Variants in DNAJC1 observed in about 807,000 individuals in gnomAD.
DNAJC1 encodes the protein dnaJ homolog subfamily C member 1.
In DNAJC1, 58 loss-of-function variants were observed where a neutral mutation model predicts 76.6. The observed-to-expected ratio is 0.76, with a 90% CI of 0.61 to 0.94. The LOEUF (loss-of-function observed/expected upper bound fraction) is 0.94. DNAJC1 is among the 40% of genes least tolerant of loss of function. The probability of loss-of-function intolerance (pLI) is 0.00; values close to 1 mark genes in which losing one functional copy is unlikely to be tolerated. For missense variants in DNAJC1, 689 were observed against 677.3 expected, an observed-to-expected ratio of 1.02 and a Z score of -0.19; for synonymous variants, 258 against 267.9, an observed-to-expected ratio of 0.96 and a Z score of 0.36.
intron 8 of DNAJC1, among the ~76,000 whole-genome samples, chr10:21,867,194 ACAGACT>A (rs1422991576): frequency 6.6e-6 from 1 of 152,110 alleles, no homozygotes; most frequent in Non-Finnish European, 1.5e-5. Flanking sequence ...CATACAATAT[ACAGACT>A]CAAAAAGGCA....
In DNAJC1 at chr10:21,919,938, G is replaced by A. The variant is rs762396568; in HGVS notation, c.538-9C>T. On this transcript the variant is annotated splice_polypyrimidine_tract_variant and intron_variant, in intron 4 of 11. Transcript: ENST00000376980. ...CTACTTAGTAGTTCATCCTTAATGT[G>A]GAAAGAATTATGGTTACAGGTTATC... 1 of 1,542,540 alleles carries A rather than the reference G, an allele frequency of 6.5e-7. No homozygotes were observed. The highest frequency in any genetic ancestry group is 1.8e-5 in the Admixed American group (1 of 55,304).
At chr10:21,773,968 C>T (rs912156789) in intron 9 of DNAJC1, among the ~76,000 whole-genome samples, 4 of 150,716 alleles carry the variant, frequency 2.7e-5, no homozygotes, top group Non-Finnish European at 5.9e-5. Context: ...GGTGAAACCC[C>T]GTCTCTACTA....
intron 9 of DNAJC1, among the ~76,000 whole-genome samples, chr10:21,779,563 A>G (rs1834500596): frequency 6.6e-6 from 1 of 152,252 alleles, no homozygotes; most frequent in East Asian, 1.9e-4. Flanking sequence ...ATTAACAAAC[A>G]GAAAGGACAT....
At chr10:21,791,825 G>T (rs1834692231) in intron 9 of DNAJC1, among the ~76,000 whole-genome samples, 1 of 151,952 alleles carries the variant, frequency 6.6e-6, no homozygotes, top group Non-Finnish European at 1.5e-5. Context: ...GACTAGAAAA[G>T]CAAGAAACCA....
chr10:21,832,235 C>G (rs1835369794), intron 8 of DNAJC1, among the ~76,000 whole-genome samples: 1 of 152,016 alleles, frequency 6.6e-6, no homozygotes. Flanking sequence ...TCACAGTAAT[C>G]TTCTCATTCT....
intron 8 of DNAJC1, 60 bp downstream of exon 8, chr10:21,882,222 T>C: frequency 6.8e-7 from 1 of 1,464,522 alleles, no homozygotes; most frequent in Non-Finnish European, 9.2e-7. Flanking sequence ...GCTAACCCTG[T>C]ATTTTATGTG....
intron 9 of DNAJC1, among the ~76,000 whole-genome samples, chr10:21,788,007 T>C (rs748464652): frequency 6.6e-6 from 1 of 152,200 alleles, no homozygotes; most frequent in Non-Finnish European, 1.5e-5. Flanking sequence ...TACCCCACCA[T>C]CAGAGCACCT....
intron 8 of DNAJC1, chr10:21,860,726 CAA>C (rs1156446933): frequency 1.8e-5 from 3 of 163,806 alleles, no homozygotes; most frequent in Non-Finnish European, 2.6e-5. Flanking sequence ...AACAAACAAA[CAA>C]ACAAACAAAA....
intron 11 of DNAJC1, among the ~76,000 whole-genome samples, chr10:21,757,929 G>A (rs771926497): frequency 6.6e-6 from 1 of 152,192 alleles, no homozygotes; most frequent in Non-Finnish European, 1.5e-5. Context: ...CCAAGCTCCA[G>A]CCCCTTCGTT....
intron 9 of DNAJC1, among the ~76,000 whole-genome samples, chr10:21,781,846 C>A (rs1260958769): frequency 1.3e-5 from 2 of 151,592 alleles, no homozygotes; most frequent in African/African-American, 4.9e-5. Context: ...TTCTTTGAAA[C>A]CAATGAGAAC....
chr10:21,762,479 C>T (rs749624104), intron 10 of DNAJC1, among the ~76,000 whole-genome samples: 1 of 152,210 alleles, frequency 6.6e-6, no homozygotes, highest in Non-Finnish European at 1.5e-5. Flanking sequence ...AAGGATACAT[C>T]TATCCACATG....
At chr10:21,961,401 TTGA>T (rs1230922124) in intron 1 of DNAJC1, among the ~76,000 whole-genome samples, 1 of 152,136 alleles carries the variant, frequency 6.6e-6, no homozygotes, top group Non-Finnish European at 1.5e-5. Context: ...ATAAAAAGGA[TTGA>T]GGTACTGACA....
At chr10:21,937,417 T>C (rs1350250774) in intron 1 of DNAJC1, among the ~76,000 whole-genome samples, 1 of 151,982 alleles carries the variant, frequency 6.6e-6, no homozygotes, top group Non-Finnish European at 1.5e-5. Flanking sequence ...CAAGAAGATA[T>C]AACAATATAA....
chr10:21,820,839 A>C (rs916415455), intron 8 of DNAJC1, among the ~76,000 whole-genome samples: 1 of 152,196 alleles, frequency 6.6e-6, no homozygotes, highest in African/African-American at 2.4e-5. Context: ...CAAAAGATAC[A>C]GGTGAAAAGA....
chr10:21,810,221 C>A (rs142030375), intron 8 of DNAJC1, among the ~76,000 whole-genome samples: 2,029 of 152,232 alleles, frequency 0.013, 22 homozygotes, highest in Middle Eastern at 0.068. Context: ...ACTGGTTTTT[C>A]AAAATTCACT....
intron 1 of DNAJC1, among the ~76,000 whole-genome samples, chr10:21,997,110 C>T (rs1838428724): frequency 6.6e-6 from 1 of 152,154 alleles, no homozygotes; most frequent in East Asian, 1.9e-4. Context: ...ACACCACAAG[C>T]TCAGTGGATT....
chr10:21,901,480 T>A (rs1465849958), intron 7 of DNAJC1, among the ~76,000 whole-genome samples: 5 of 152,220 alleles, frequency 3.3e-5, no homozygotes, highest in Admixed American at 2.6e-4. Context: ...TCAACTTATT[T>A]AAACCTAAAC....
chr10:21,823,051 G>A (rs1285707807), intron 8 of DNAJC1, among the ~76,000 whole-genome samples: 2 of 151,906 alleles, frequency 1.3e-5, no homozygotes, highest in Non-Finnish European at 2.9e-5. Flanking sequence ...TGCAGGCAGG[G>A]AAAACATAAT....
At chr10:21,836,349 C>A (rs1026787821) in intron 8 of DNAJC1, among the ~76,000 whole-genome samples, 1 of 152,186 alleles carries the variant, frequency 6.6e-6, no homozygotes, top group African/African-American at 2.4e-5. Flanking sequence ...AAAGGAACAA[C>A]CAGTACCAGC....
Sources: allele counts gnomAD v4.1 joint callset (sites outside exome capture counted in the v4.1 genomes callset), GRCh38; gene constraint gnomAD v4.1.1; transcripts MANE v1.5; gene names NCBI Gene and HGNC (gene_info 2026-07-23, HGNC 2026-07-21).